GGNBP2: variants seen among roughly 807,000 people sequenced by gnomAD.
GGNBP2 encodes gametogenetin binding protein 2.
GGNBP2 carries 10 observed loss-of-function variants against 85.9 expected under a neutral mutation model. The ratio of observed to expected loss-of-function variants is 0.12; its 90% CI spans 0.07 to 0.20. The LOEUF is 0.20. Ranked by LOEUF, GGNBP2 falls within the 10% of genes least tolerant of loss-of-function variation. The pLI, the probability that GGNBP2 is intolerant of heterozygous loss-of-function variation, is 1.00. For synonymous variants in GGNBP2, 287 were observed against 285.7 expected (o/e 1.00, Z -0.05); for missense variants, 595 against 857.8 (o/e 0.69, Z 3.83).
intron 6 of GGNBP2, chr17:36,575,111 G>A: frequency 1.3e-6 from 1 of 771,588 alleles, no homozygotes; most frequent in Admixed American, 1.9e-5. Context: ...CTCCTCCAGG[G>A]ACTTGATCTT....
intron 4 of GGNBP2, among the ~76,000 whole-genome samples, chr17:36,559,847 ATTT>A (rs1463220639): frequency 2.6e-5 from 4 of 151,922 alleles, no homozygotes; most frequent in South Asian, 2.1e-4. Flanking sequence ...TTATTTATTA[ATTT>A]TTTTGAGACA....
intron 5 of GGNBP2, among the ~76,000 whole-genome samples, chr17:36,565,174 G>A (rs114726350): frequency 9.5e-4 from 144 of 152,320 alleles, no homozygotes; most frequent in African/African-American, 3.4e-3. Flanking sequence ...GGACCCAAAA[G>A]TGGACATTGG....
At chr17:36,555,726 C>T (rs1465199391) in intron 3 of GGNBP2, among the ~76,000 whole-genome samples, 2 of 152,156 alleles carry the variant, frequency 1.3e-5, no homozygotes. Flanking sequence ...TTGCATGTAA[C>T]CTCTGCACAT....
At chr17:36,585,757 T>C in intron 10 of GGNBP2, 83 bp from the exon 11 acceptor site, 1 of 1,213,804 alleles carries the variant, frequency 8.2e-7, no homozygotes, top group Admixed American at 2.5e-5. Flanking sequence ...ATGAGATTTT[T>C]CTGTGGTCCC....
chr17:36,545,639 G>GCAGCGGCGGCGGCAGAAA lies in GGNBP2; in HGVS notation c.-81_-64dup. 4 of 1,037,186 alleles carry GCAGCGGCGGCGGCAGAAA rather than the reference G, an allele frequency of 3.9e-6. No homozygotes were observed. Among genetic ancestry groups the GCAGCGGCGGCGGCAGAAA allele is most frequent in the South Asian group, 1.4e-5 (1 of 72,458 alleles). The allele number at this position is 1,037,186 out of a possible 1,614,324, so 64.2% of individuals were successfully genotyped here. A position where few individuals can be genotyped will look rare whatever the true frequency, so the allele number is the denominator to read the frequency against. On this transcript the variant is annotated 5_prime_UTR_variant, in exon 2 of 14. Coordinates refer to ENST00000613102, the MANE Select transcript of GGNBP2 (RefSeq NM_024835.5). ...TGCAGGCAGGAGCTGGGAGGAGGCG[G>GCAGCGGCGGCGGCAGAAA]CAGCGGCGGCGGCAGAAACAGCAGC...
chr17:36,562,179 T>C (rs1164675222), intron 5 of GGNBP2, among the ~76,000 whole-genome samples: 1 of 152,114 alleles, frequency 6.6e-6, no homozygotes, highest in African/African-American at 2.4e-5. Context: ...CTTTTAATTA[T>C]TTTTTTGAGA....
In GGNBP2 at chr17:36,589,350, G is replaced by T; in HGVS notation, c.2033G>T (p.Arg678Leu). The T allele has an allele frequency of 1.2e-6, 2 of 1,613,968 alleles. No homozygotes were observed. The highest frequency in any genetic ancestry group is 1.7e-6 in the Non-Finnish European group (2 of 1,179,876). ...AAGGAGAAATTTAATAAATACTGCC[G>T]GTTAAATGATCACAAGAGGCCCATT... ...HLKEKFNKYC[R>L]LNDHKRPICS... Residue 678 changes from arginine to leucine, a missense_variant, in exon 14 of 14, where the codon CGG becomes CTG. By Grantham distance (102) the Arg-to-Leu change is moderately radical. Transcript: ENST00000613102.
At chr17:36,572,292 T>C (rs2074533584) in intron 6 of GGNBP2, among the ~76,000 whole-genome samples, 1 of 152,258 alleles carries the variant, frequency 6.6e-6, no homozygotes. Flanking sequence ...GTGAACTTGC[T>C]GTTTATAACC....
intron 6 of GGNBP2, 70 bp downstream of exon 6, chr17:36,567,846 C>A: frequency 1.3e-6 from 1 of 748,734 alleles, no homozygotes; most frequent in South Asian, 1.6e-5. Flanking sequence ...AGTGGCCTGT[C>A]ACTGAACTCC....
At chr17:36,561,693 G>A (rs969229502) in intron 5 of GGNBP2, among the ~76,000 whole-genome samples, 7 of 150,890 alleles carry the variant, frequency 4.6e-5, no homozygotes, top group South Asian at 4.2e-4. Flanking sequence ...GCGTCATCTC[G>A]GCTCACTGCA....
rs946953609 is a variant in GGNBP2 at position 36,575,604 on chromosome 17, C to G, written c.642-2379C>G. Among the ~76,000 whole-genome samples, 7 of 115,360 alleles carry G rather than the reference C, an allele frequency of 6.1e-5. No homozygotes were observed. The Admixed American group carries it at 6.3e-4, about 10-fold the overall frequency. 75.7% of individuals were successfully genotyped at this position (115,360 alleles called of 152,430 possible). A position where few individuals can be genotyped will look rare whatever the true frequency, so the allele number is the denominator to read the frequency against. ...TGTTTACCAAGTGGGCTTAGAGCCT[C>G]TAATGTAACATATATATATATATAT... On this transcript the variant is annotated intron_variant, in intron 6 of 13. Coordinates refer to ENST00000613102, the MANE Select transcript of GGNBP2 (RefSeq NM_024835.5).
At chr17:36,582,558 G>C (rs945353599) in intron 9 of GGNBP2, 1 of 152,156 alleles carries the variant, frequency 6.6e-6, no homozygotes, top group Non-Finnish European at 1.5e-5. Flanking sequence ...AGGGTTAACT[G>C]TATGGCTTTT....
intron 8 of GGNBP2, among the ~76,000 whole-genome samples, chr17:36,580,897 C>T (rs956593166): frequency 4.0e-5 from 6 of 149,052 alleles, no homozygotes; most frequent in African/African-American, 1.2e-4. Context: ...CCAGCCTGGG[C>T]GATGGAGCAA....
At chr17:36,587,274 A>G (rs1194224609) in intron 13 of GGNBP2, 29 bp downstream of exon 13, 20 of 1,609,148 alleles carry the variant, frequency 1.2e-5, no homozygotes, top group Non-Finnish European at 1.6e-5. Flanking sequence ...CTTACTGTAC[A>G]TAACTGTTTG....
At chr17:36,581,618 G>A (rs1312779053) in intron 9 of GGNBP2, 80 bp downstream of exon 9, 59 of 1,075,638 alleles carry the variant, frequency 5.5e-5, no homozygotes, top group Non-Finnish European at 7.7e-5. Flanking sequence ...GGTGGCTCAC[G>A]CCTGTGATCC....
chr17:36,588,089 T>G (rs1431991659), intron 13 of GGNBP2, among the ~76,000 whole-genome samples: 2 of 152,184 alleles, frequency 1.3e-5, no homozygotes, highest in Admixed American at 6.5e-5. Context: ...GAGGTTGCTT[T>G]CTTCTTTTAG....
At chr17:36,546,214 C>G (rs978609157) in intron 2 of GGNBP2, 1 of 372,154 alleles carries the variant, frequency 2.7e-6, no homozygotes, top group African/African-American at 2.1e-5. Flanking sequence ...CGCAGCTGCA[C>G]TGCTACCTGT....
chr17:36,577,692 C>A, intron 6 of GGNBP2: 1 of 426,252 alleles, frequency 2.3e-6, no homozygotes, highest in Non-Finnish European at 4.3e-6. Flanking sequence ...TTCTTGGCAA[C>A]TAATACTTTT....
chr17:36,557,485 A>G (rs1241038080), intron 4 of GGNBP2, 149 bp downstream of exon 4: 14 of 681,350 alleles, frequency 2.1e-5, no homozygotes, highest in South Asian at 3.8e-5. Flanking sequence ...TAAAGTTTCA[A>G]CTCTCCACGT....
Sources: gnomAD v4.1 joint callset for allele counts (sites outside exome capture counted in the v4.1 genomes callset) on GRCh38, gnomAD v4.1.1 for gene constraint, MANE v1.5 for transcripts, NCBI Gene and HGNC (gene_info 2026-07-23, HGNC 2026-07-21) for gene names.